Variants in FOXN3 observed in about 807,000 individuals in gnomAD.
FOXN3 encodes forkhead box N3.
A neutral mutation model predicts 38.4 loss-of-function variants in FOXN3; 7 were observed. The ratio of observed to expected loss-of-function variants is 0.18; its 90% CI spans 0.10 to 0.34. FOXN3 has a LOEUF of 0.34. FOXN3 is among the 10% of genes least tolerant of loss of function. FOXN3 has a pLI of 1.00. For synonymous variants in FOXN3, 230 were observed against 242.2 expected (o/e 0.95, Z 0.47); for missense variants, 456 against 613.4 (o/e 0.74, Z 2.71).
chr14:89,590,945 C>A (rs1027380400), intron 1 of FOXN3, among the ~76,000 whole-genome samples: 6 of 149,992 alleles, frequency 4.0e-5, no homozygotes, highest in Admixed American at 6.6e-5. Context: ...TTGCTGGGGT[C>A]ATTCTCTCCT....
Position 89,452,511 on chromosome 14 carries a change from G to C in FOXN3, c.-14-40021C>G, listed in dbSNP as rs1892633340. On this transcript the variant is annotated intron_variant, in intron 1 of 6. Transcript: ENST00000345097. ...CCCGGCCAGGTGTCCAGGCTGCGAG[G>C]CCATCTGGGTTAGGAAATGCGTGCT... Among the ~76,000 whole-genome samples, 2 of 152,322 alleles carry C rather than the reference G, an allele frequency of 1.3e-5. 1 individual carries two copies.
intron 5 of FOXN3, among the ~76,000 whole-genome samples, chr14:89,172,369 A>C (rs533467351): frequency 1.1e-3 from 173 of 152,330 alleles, no homozygotes; most frequent in African/African-American, 3.9e-3. Context: ...CTACAGGTGC[A>C]TGCCACTGCA....
At chr14:89,408,005 AAAAAT>A (rs1891438800) in intron 2 of FOXN3, among the ~76,000 whole-genome samples, 2 of 152,226 alleles carry the variant, frequency 1.3e-5, no homozygotes, top group Admixed American at 6.5e-5. Flanking sequence ...ATTCAAAAAT[AAAAAT>A]AAAACTCTTA....
chr14:89,334,131 CAT>C (rs1227449598), intron 3 of FOXN3, among the ~76,000 whole-genome samples: 1 of 151,780 alleles, frequency 6.6e-6, no homozygotes, highest in African/African-American at 2.4e-5. Context: ...CATCATGCTA[CAT>C]GAAACAAGCC....
At chr14:89,511,292 T>C (rs1246521596) in intron 1 of FOXN3, among the ~76,000 whole-genome samples, 6 of 120,448 alleles carry the variant, frequency 5.0e-5, no homozygotes, top group Non-Finnish European at 8.7e-5. Flanking sequence ...TCTTTCTTTC[T>C]TTCTTTCTTT....
intron 4 of FOXN3, among the ~76,000 whole-genome samples, chr14:89,226,175 TAAA>T (rs138507883): frequency 9.2e-6 from 1 of 108,258 alleles, no homozygotes; most frequent in Admixed American, 8.9e-5. Flanking sequence ...CAAGGAGACA[TAAA>T]AAAAAAAAAA....
At chr14:89,435,571 C>T (rs1187451076) in intron 1 of FOXN3, among the ~76,000 whole-genome samples, 4 of 152,130 alleles carry the variant, frequency 2.6e-5, no homozygotes, top group Non-Finnish European at 2.9e-5. Flanking sequence ...CCCTCACAAA[C>T]CACCCCAGAT....
chr14:89,547,251 A>G (rs1049266704), intron 1 of FOXN3, among the ~76,000 whole-genome samples: 3 of 150,626 alleles, frequency 2.0e-5, no homozygotes, highest in Admixed American at 6.6e-5. Context: ...TTATTTATTT[A>G]TTTATTTATT....
intron 1 of FOXN3, among the ~76,000 whole-genome samples, chr14:89,545,955 A>G (rs529450584): frequency 9.8e-5 from 15 of 152,316 alleles, no homozygotes; most frequent in African/African-American, 3.6e-4. Flanking sequence ...CCTACTAGGT[A>G]TATGTGCCCC....
upstream of FOXN3, among the ~76,000 whole-genome samples, chr14:89,420,273 G>A (rs576953822): frequency 8.2e-4 from 125 of 152,324 alleles, no homozygotes; most frequent in African/African-American, 2.9e-3. Flanking sequence ...GGCCTAGCCT[G>A]AGTCACATGA....
At chr14:89,601,733 A>G (rs891601389) in intron 1 of FOXN3, among the ~76,000 whole-genome samples, 1 of 152,144 alleles carries the variant, frequency 6.6e-6, no homozygotes, top group African/African-American at 2.4e-5. Context: ...ACCAAAGGAA[A>G]AATGAGTGCA....
At chr14:89,166,733 G>A (rs1887252093) in intron 5 of FOXN3, among the ~76,000 whole-genome samples, 2 of 152,192 alleles carry the variant, frequency 1.3e-5, no homozygotes. Flanking sequence ...AACCTTCCCT[G>A]AGATTTTAGC....
At chr14:89,254,895 TC>T (rs1417270308) in intron 4 of FOXN3, among the ~76,000 whole-genome samples, 1 of 152,122 alleles carries the variant, frequency 6.6e-6, no homozygotes, top group East Asian at 1.9e-4. Context: ...TGTTGTCCAC[TC>T]CCCCACTAAC....
At chr14:89,472,588 G>T (rs1893124175) in intron 1 of FOXN3, among the ~76,000 whole-genome samples, 1 of 151,916 alleles carries the variant, frequency 6.6e-6, no homozygotes, top group South Asian at 2.1e-4. Flanking sequence ...GGGCGTGGTG[G>T]CGGACGCCTG....
At chr14:89,559,614 T>C (rs1895204950) in intron 1 of FOXN3, among the ~76,000 whole-genome samples, 1 of 152,034 alleles carries the variant, frequency 6.6e-6, no homozygotes, top group Non-Finnish European at 1.5e-5. Flanking sequence ...AGGCGGAGGT[T>C]GCAGTGAGCC....
chr14:89,326,917 C>T (rs1351970949), intron 3 of FOXN3, among the ~76,000 whole-genome samples: 2 of 152,164 alleles, frequency 1.3e-5, no homozygotes, highest in East Asian at 1.9e-4. Flanking sequence ...GCTTCCCGTG[C>T]CTGACATTGT....
intron 1 of FOXN3, among the ~76,000 whole-genome samples, chr14:89,533,567 C>T (rs894216945): frequency 1.4e-5 from 2 of 144,044 alleles, no homozygotes; most frequent in African/African-American, 5.1e-5. Context: ...GAGGCTGAGG[C>T]AGGAGAATGG....
At chr14:89,230,177 T>C (rs1184051704) in intron 4 of FOXN3, among the ~76,000 whole-genome samples, 3 of 152,248 alleles carry the variant, frequency 2.0e-5, no homozygotes, top group African/African-American at 7.2e-5. Flanking sequence ...TATATGTCTG[T>C]GAACCCAAGA....
At chr14:89,587,144 T>C (rs1326826931) in intron 1 of FOXN3, among the ~76,000 whole-genome samples, 1 of 152,224 alleles carries the variant, frequency 6.6e-6, no homozygotes, top group African/African-American at 2.4e-5. Flanking sequence ...CTTTTTCTTG[T>C]GAAGGCAAAA....
Sources: gnomAD v4.1 joint callset for allele counts (sites outside exome capture counted in the v4.1 genomes callset) on GRCh38, gnomAD v4.1.1 for gene constraint, MANE v1.5 for transcripts, NCBI Gene and HGNC (gene_info 2026-07-23, HGNC 2026-07-21) for gene names.